Variants in RASGRP3 observed in about 807,000 individuals in gnomAD.
The protein encoded by RASGRP3 is RAS guanyl releasing protein 3, also known as ras guanyl-releasing protein 3.
In RASGRP3, 54 loss-of-function variants were observed where a neutral mutation model predicts 82.7. The observed-to-expected ratio is 0.65, with a 90% CI of 0.52 to 0.82. RASGRP3 has a LOEUF of 0.82. Among genes scored for constraint, RASGRP3 ranks in the 40% least tolerant of loss-of-function variants. The pLI, the probability that RASGRP3 is intolerant of heterozygous loss-of-function variation, is 0.00. For missense variants in RASGRP3, 861 were observed against 828.9 expected, an observed-to-expected ratio of 1.04 and a Z score of -0.48; for synonymous variants, 309 against 300.5, an observed-to-expected ratio of 1.03 and a Z score of -0.29.
At chr2:33,455,646 A>G (rs1367346410) in intron 2 of RASGRP3, among the ~76,000 whole-genome samples, 1 of 152,272 alleles carries the variant, frequency 6.6e-6, no homozygotes, top group Non-Finnish European at 1.5e-5. Flanking sequence ...TACTTTTGGA[A>G]TAAGACTGAA....
intron 11 of RASGRP3, among the ~76,000 whole-genome samples, chr2:33,538,363 C>T (rs1328083694): frequency 6.6e-6 from 1 of 151,930 alleles, no homozygotes; most frequent in Non-Finnish European, 1.5e-5. Flanking sequence ...ATTAGCTGGG[C>T]TTGATGGTGG....
At chr2:33,538,265 G>A (rs547676995) in intron 11 of RASGRP3, among the ~76,000 whole-genome samples, 68 of 152,266 alleles carry the variant, frequency 4.5e-4, no homozygotes, top group African/African-American at 1.6e-3. Flanking sequence ...CACTTTGGGA[G>A]GCCAAGGCAG....
intron 2 of RASGRP3, among the ~76,000 whole-genome samples, chr2:33,512,912 TA>T (rs778618094): frequency 3.9e-5 from 6 of 152,030 alleles, no homozygotes; most frequent in Non-Finnish European, 8.8e-5. Flanking sequence ...ACAAGTAAAA[TA>T]TATAGTTTGT....
At chr2:33,505,075 T>A (rs1238135769) in intron 1 of RASGRP3, among the ~76,000 whole-genome samples, 3 of 152,068 alleles carry the variant, frequency 2.0e-5, no homozygotes, top group Non-Finnish European at 4.4e-5. Flanking sequence ...ATATCAACAC[T>A]GTGACCAACA....
intron 2 of RASGRP3, among the ~76,000 whole-genome samples, chr2:33,471,230 C>T (rs1360544433): frequency 6.6e-6 from 1 of 152,008 alleles, no homozygotes; most frequent in African/African-American, 2.4e-5. Flanking sequence ...GTCTGGAGTG[C>T]AGTGGTGTGA....
intron 2 of RASGRP3, among the ~76,000 whole-genome samples, chr2:33,457,775 T>C (rs1371810768): frequency 6.6e-6 from 1 of 152,196 alleles, no homozygotes; most frequent in Non-Finnish European, 1.5e-5. Flanking sequence ...CCTGGTTTCC[T>C]GTTCCTGGTG....
At chr2:33,508,013 T>C (rs1670555543) in intron 1 of RASGRP3, among the ~76,000 whole-genome samples, 1 of 152,154 alleles carries the variant, frequency 6.6e-6, no homozygotes, top group Non-Finnish European at 1.5e-5. Context: ...GAATTTCTTT[T>C]GAAAATAGAT....
chr2:33,473,100 C>T (rs987557017), upstream of RASGRP3, among the ~76,000 whole-genome samples: 2 of 152,072 alleles, frequency 1.3e-5, no homozygotes, highest in South Asian at 4.1e-4. Flanking sequence ...CAGTGGCTCA[C>T]GCCTGTAATC....
chr2:33,464,474 T>TC (rs1271840212), intron 2 of RASGRP3, among the ~76,000 whole-genome samples: 1 of 148,992 alleles, frequency 6.7e-6, no homozygotes, highest in African/African-American at 2.5e-5. Context: ...CAGTGATCTT[T>TC]TTTTAAAAAA....
chr2:33,549,586 C>T lies in RASGRP3; in HGVS notation c.1395-18C>T. 6.2e-7 allele frequency: 1 copy of T among 1,603,436 alleles called. No homozygotes were observed. Among genetic ancestry groups the T allele is most frequent in the Non-Finnish European group, 8.5e-7 (1 of 1,174,632 alleles). ...CTGTTATTTAAAGATTCCCTCCCTT[C>T]TTTGATTCTCTTAACAGGGATGGCC... On this transcript the variant is annotated intron_variant, in intron 13 of 17. Transcript: ENST00000403687.
Position 33,495,443 on chromosome 2 carries a change from G to A in RASGRP3, c.-260-16267G>A, listed in dbSNP as rs1014910419. Among the ~76,000 whole-genome samples, 35 of 152,196 alleles carry A rather than the reference G, an allele frequency of 2.3e-4. 1 individual carries two copies. Among genetic ancestry groups the A allele is most frequent in the African/African-American group, 7.7e-4 (32 of 41,446 alleles). On this transcript the variant is annotated intron_variant, in intron 1 of 17. Transcript: ENST00000403687. ...CTCATCTGACAGGAGGGAGAGCTCA[G>A]GCAGTAATGTTCCCTCACCCGCATT... is the stretch of plus-strand genomic sequence containing the variant.
At chr2:33,485,025 C>T in intron 1 of RASGRP3, among the ~76,000 whole-genome samples, 1 of 152,098 alleles carries the variant, frequency 6.6e-6, no homozygotes, top group East Asian at 1.9e-4. Flanking sequence ...AAGGAGAAAC[C>T]CAGTCTCTAC....
chr2:33,515,320 A>C, intron 3 of RASGRP3, 114 bp downstream of exon 3: 1 of 1,134,990 alleles, frequency 8.8e-7, no homozygotes, highest in Non-Finnish European at 1.3e-6. Flanking sequence ...TTGGTATTTA[A>C]GGCCTTTCGG....
chr2:33,491,165 A>G (rs1668809209), intron 1 of RASGRP3, among the ~76,000 whole-genome samples: 1 of 706 alleles, frequency 1.4e-3, no homozygotes, highest in African/African-American at 7.1e-3. Flanking sequence ...AAAATACAAA[A>G]ATTAGCTGGT....
At chr2:33,534,799 A>G (rs1394769535) in intron 11 of RASGRP3, among the ~76,000 whole-genome samples, 2 of 148,670 alleles carry the variant, frequency 1.3e-5, no homozygotes, top group African/African-American at 2.5e-5. Flanking sequence ...TGCCGTGGCC[A>G]TTACAGGCTT....
chr2:33,464,487 A>G (rs1666573153), intron 2 of RASGRP3, among the ~76,000 whole-genome samples: 1 of 150,404 alleles, frequency 6.6e-6, no homozygotes, highest in Admixed American at 6.6e-5. Context: ...TTAAAAAAAA[A>G]AAAAAAGATA....
chr2:33,486,229 A>G (rs946068531), intron 1 of RASGRP3, among the ~76,000 whole-genome samples: 1 of 150,270 alleles, frequency 6.7e-6, no homozygotes, highest in Non-Finnish European at 1.5e-5. Context: ...TAGTGGCACA[A>G]TCTTGGCTCA....
intron 1 of RASGRP3, among the ~76,000 whole-genome samples, chr2:33,442,318 C>T (rs932893732): frequency 6.6e-6 from 1 of 152,170 alleles, no homozygotes. Context: ...GAGCCAAGAT[C>T]GCGCCGCTGC....
chr2:33,516,447 T>A, intron 3 of RASGRP3, 95 bp from the exon 4 acceptor site: 1 of 767,314 alleles, frequency 1.3e-6, no homozygotes. Context: ...TATGAAAAGT[T>A]TTTGACATAT....
Sources: allele counts gnomAD v4.1 joint callset (sites outside exome capture counted in the v4.1 genomes callset), GRCh38; gene constraint gnomAD v4.1.1; transcripts MANE v1.5; gene names NCBI Gene and HGNC (gene_info 2026-07-23, HGNC 2026-07-21).